USP37: variants seen among roughly 807,000 people sequenced by gnomAD.
USP37 encodes ubiquitin specific peptidase 37.
A neutral mutation model predicts 124.0 loss-of-function variants in USP37; 27 were observed. The observed-to-expected ratio is 0.22, with a 90% confidence interval of 0.16 to 0.30. The LOEUF is 0.30. Ranked by LOEUF, USP37 falls within the 10% of genes least tolerant of loss-of-function variation. The probability of loss-of-function intolerance (pLI) is 1.00; values close to 1 mark genes in which losing one functional copy is unlikely to be tolerated. For missense variants in USP37, 889 were observed against 1,140.4 expected (o/e 0.78, Z 3.17); for synonymous variants, 365 against 388.0 (o/e 0.94, Z 0.70).
At chr2:218,479,546 G>T in intron 18 of USP37, 104 bp downstream of exon 18, 2 of 945,386 alleles carry the variant, frequency 2.1e-6, no homozygotes, top group Non-Finnish European at 3.3e-6. Context: ...GCATTATCAT[G>T]CAAAAAGAAA....
intron 5 of USP37, among the ~76,000 whole-genome samples, chr2:218,550,155 G>A (rs1302637876): frequency 3.3e-5 from 5 of 151,780 alleles, no homozygotes; most frequent in Non-Finnish European, 7.4e-5. Context: ...ACATTTAATA[G>A]AAGGCTAAAA....
intron 10 of USP37, among the ~76,000 whole-genome samples, chr2:218,519,642 G>T (rs1272982338): frequency 2.7e-5 from 4 of 148,066 alleles, no homozygotes; most frequent in African/African-American, 4.9e-5. Context: ...TTTGTTTTTT[G>T]TTTTTTTTTT....
At chr2:218,544,157 A>T (rs1692164473) in intron 8 of USP37, among the ~76,000 whole-genome samples, 1 of 151,906 alleles carries the variant, frequency 6.6e-6, no homozygotes, top group Non-Finnish European at 1.5e-5. Flanking sequence ...AGGCGGGCAG[A>T]TCACTTGAGG....
intron 11 of USP37, among the ~76,000 whole-genome samples, chr2:218,500,335 C>G (rs1207410902): frequency 1.3e-5 from 2 of 152,180 alleles, no homozygotes; most frequent in African/African-American, 4.8e-5. Flanking sequence ...TCTCGGCTTA[C>G]AGCAACTTCC....
At chr2:218,484,847 C>T (rs755683331) in intron 16 of USP37, among the ~76,000 whole-genome samples, 2 of 152,160 alleles carry the variant, frequency 1.3e-5, no homozygotes. Flanking sequence ...TTGGTGTTTG[C>T]GATCTATTCT....
chr2:218,495,379 C>T (rs533356750), intron 14 of USP37, among the ~76,000 whole-genome samples: 1 of 152,278 alleles, frequency 6.6e-6, no homozygotes, highest in Non-Finnish European at 1.5e-5. Context: ...TGGGCTCAAA[C>T]CATCTGCCCA....
At chr2:218,467,322 T>TCTAG (rs1491248088) in intron 20 of USP37, among the ~76,000 whole-genome samples, 2 of 78,400 alleles carry the variant, frequency 2.6e-5, no homozygotes, top group African/African-American at 6.5e-5. Context: ...TCTATATCTA[T>TCTAG]CTATCTATCT....
rs1457681349 is a variant in USP37, at chr2:218,457,135, C to T, written c.2670G>A (p.Arg890=). The T allele has an allele frequency of 6.2e-7, 1 of 1,613,878 alleles. No individual in the cohort carries two copies. The highest frequency in any genetic ancestry group is 1.7e-4 in the Middle Eastern group (1 of 6,060). ...CAATGTGACTGACAACACTGATGAGCCGGTACGAATGAGGCAGATTTCCTG... is the reference window on the plus strand; with the variant it reads ...CAATGTGACTGACAACACTGATGAGTCGGTACGAATGAGGCAGATTTCCTG... ...AETGNLPHSY[R]LISVVSHIGS... is the part of the protein sequence containing the mutation. Residue 890 remains arginine (R), a synonymous_variant, in exon 24 of 26, where the codon CGG becomes CGA. Coordinates refer to ENST00000258399, the MANE Select transcript of USP37 (RefSeq NM_020935.3).
At chr2:218,518,876 G>A (rs1361940319) in intron 10 of USP37, among the ~76,000 whole-genome samples, 3 of 152,024 alleles carry the variant, frequency 2.0e-5, no homozygotes, top group African/African-American at 7.2e-5. Flanking sequence ...ATAGTAAATA[G>A]TGCCACACTA....
At chr2:218,562,908 A>G in intron 1 of USP37, 95 bp from the exon 2 acceptor site, 1 of 387,012 alleles carries the variant, frequency 2.6e-6, no homozygotes, top group Non-Finnish European at 4.6e-6. Context: ...TGACGCGAGT[A>G]ATCCCAGCAC....
In USP37 at chr2:218,479,692, T is replaced by C. The variant is rs763948930; in HGVS notation, c.1859A>G (p.Gln620Arg). The change falls in exon 18 of 26, where the codon CAA becomes CGA. Residue 620 changes from glutamine to arginine, a missense_variant. Physicochemically the swap from Gln to Arg is conservative, Grantham distance 43. Transcript: ENST00000258399. ...GCTGGTGATGCAGGAATTCACCATT[T>C]GAGAGGCTTTCAATGGTCTAGAACT... ...MAISRPLKAS[Q>R]MVNSCITSPS... 6.2e-6 allele frequency: 10 copies of C among 1,612,168 alleles called. No homozygotes were observed. In the East Asian group the frequency reaches 2.0e-4, roughly 32 times the overall value.
At chr2:218,463,830 C>T (rs987659484) in intron 21 of USP37, among the ~76,000 whole-genome samples, 1 of 149,572 alleles carries the variant, frequency 6.7e-6, no homozygotes, top group Non-Finnish European at 1.5e-5. Context: ...CCACTGCGCC[C>T]GGCCCACTCC....
At chr2:218,483,622 A>C (rs1691380931) in intron 16 of USP37, among the ~76,000 whole-genome samples, 1 of 151,950 alleles carries the variant, frequency 6.6e-6, no homozygotes, top group Admixed American at 6.6e-5. Flanking sequence ...AAAAAGAAAG[A>C]AAAACAAGGA....
chr2:218,512,275 C>A (rs530980262), intron 10 of USP37, among the ~76,000 whole-genome samples: 1 of 152,012 alleles, frequency 6.6e-6, no homozygotes, highest in Admixed American at 6.6e-5. Context: ...GGGAGGCCAA[C>A]GGAGGCGCAT....
intron 5 of USP37, among the ~76,000 whole-genome samples, chr2:218,552,958 A>T (rs960982747): frequency 6.6e-6 from 1 of 151,450 alleles, no homozygotes; most frequent in Non-Finnish European, 1.5e-5. Context: ...AATAAATAAT[A>T]AAAAATCCTG....
At chr2:218,563,349 G>A (rs1221925888) in intron 1 of USP37, among the ~76,000 whole-genome samples, 3 of 152,108 alleles carry the variant, frequency 2.0e-5, no homozygotes, top group Admixed American at 2.0e-4. Flanking sequence ...TACAGGATGA[G>A]CCTGCACCTT....
chr2:218,503,134 CAAGAGACACGCACTGTAAGAAATGTTA>C (rs1235829168), intron 11 of USP37, among the ~76,000 whole-genome samples: 4 of 152,030 alleles, frequency 2.6e-5, no homozygotes, highest in Non-Finnish European at 2.9e-5. Flanking sequence ...TACTTGCTGC[CAAGAGACACGCACTGTAAGAAATGTTA>C]AAGCGACATT....
At chr2:218,506,595 T>A (rs1689693214) in intron 11 of USP37, among the ~76,000 whole-genome samples, 1 of 148,496 alleles carries the variant, frequency 6.7e-6, no homozygotes, top group African/African-American at 2.4e-5. Flanking sequence ...CTTTCTGGCT[T>A]TTTATACTTC....
intron 22 of USP37, 122 bp downstream of exon 22, chr2:218,463,183 CA>C: frequency 1.4e-4 from 1 of 7,228 alleles, no homozygotes. Flanking sequence ...TAAACACACA[CA>C]CACACACACA....
Sources: gnomAD v4.1 joint callset for allele counts (sites outside exome capture counted in the v4.1 genomes callset) on GRCh38, gnomAD v4.1.1 for gene constraint, MANE v1.5 for transcripts, NCBI Gene and HGNC (gene_info 2026-07-23, HGNC 2026-07-21) for gene names.